The following MCM2 variants were observed in gnomAD, a reference collection of about 807,000 sequenced individuals.
MCM2 encodes DNA replication licensing factor MCM2.
A neutral mutation model predicts 86.4 loss-of-function variants in MCM2; 49 were observed. The ratio of observed to expected loss-of-function variants is 0.57; its 90% CI spans 0.45 to 0.72. The LOEUF is 0.72. Among genes scored for constraint, MCM2 ranks in the 30% least tolerant of loss-of-function variants. The pLI, the probability that MCM2 is intolerant of heterozygous loss-of-function variation, is 0.00. For synonymous variants in MCM2, 475 were observed against 484.6 expected, an observed-to-expected ratio of 0.98 and a Z score of 0.26; for missense variants, 1,038 against 1,259.9, an observed-to-expected ratio of 0.82 and a Z score of 2.67.
chr3:127,615,589 C>A (rs1241500957), intron 8 of MCM2, among the ~76,000 whole-genome samples: 1 of 152,168 alleles, frequency 6.6e-6, no homozygotes, highest in Non-Finnish European at 1.5e-5. Flanking sequence ...GGTCTGTGAT[C>A]TTGGGAAAGG....
At position 127,605,028 on chromosome 3, in the gene MCM2, T is replaced by C. The variant is rs752350628; in HGVS notation, c.545T>C (p.Val182Ala). 4 of 1,614,106 alleles carry C rather than the reference T, an allele frequency of 2.5e-6. No homozygotes were observed. Among genetic ancestry groups the C allele is most frequent in the Non-Finnish European group, 3.4e-6 (4 of 1,179,972 alleles). The change falls in exon 4 of 16, where the codon GTG becomes GCG. Residue 182 changes from valine to alanine, a missense_variant. Around this residue, in one of 4 missense-constraint regions of MCM2, gnomAD observed 300 missense variants for 307.4 expected, o/e 0.98. Transcript: ENST00000265056. ...ENLEDLKGHS[V>A]REWVSMAGPR... Reference sequence around the variant, plus strand: ...CTGGAGGATCTCAAAGGCCACTCTGTGCGCGAGTGGGTGAGCATGGCGGGC... The same window carrying C: ...CTGGAGGATCTCAAAGGCCACTCTGCGCGCGAGTGGGTGAGCATGGCGGGC...
rs1461609567 is a variant in MCM2 at position 127,619,149 on chromosome 3, G to A, written c.2136G>A (p.Val712=). 2 of 1,614,056 alleles carry A rather than the reference G, an allele frequency of 1.2e-6. No individual in the cohort carries two copies. The highest frequency in any genetic ancestry group is 2.2e-5 in the East Asian group (1 of 44,892). ...CCGCCATGCCCAACACGTATGGCGT[G>A]GAGCCCCTGCCCCAGGAGGTCCTGA... ...AEPAMPNTYG[V]EPLPQEVLKK... The change falls in exon 13 of 16, where the codon GTG becomes GTA. Residue 712 remains valine, a synonymous_variant. Transcript: ENST00000265056.
intron 14 of MCM2, 90 bp from the exon 15 acceptor site, chr3:127,620,983 C>G: frequency 6.4e-7 from 1 of 1,573,780 alleles, no homozygotes; most frequent in Non-Finnish European, 8.6e-7. Context: ...GGAGCGGCAG[C>G]CTGTCTGACC....
intron 7 of MCM2, 109 bp downstream of exon 7, chr3:127,608,625 A>G: frequency 5.5e-6 from 8 of 1,456,280 alleles, no homozygotes; most frequent in Non-Finnish European, 7.5e-6. Flanking sequence ...CACTCGGGCT[A>G]GGATCTGTTT....
At chr3:127,616,794 TG>T in intron 9 of MCM2, 73 bp from the exon 10 acceptor site, 1 of 1,498,076 alleles carries the variant, frequency 6.7e-7, no homozygotes, top group Non-Finnish European at 9.2e-7. Flanking sequence ...GAGGAATTGG[TG>T]GGGGATGCAA....
At chr3:127,619,393 G>A (rs996587400) in intron 13 of MCM2, 115 bp downstream of exon 13, 4 of 1,363,772 alleles carry the variant, frequency 2.9e-6, no homozygotes, top group Admixed American at 2.5e-5. Context: ...CCAGAGCAGG[G>A]AGGCATTAAA....
intron 6 of MCM2, 141 bp from the exon 7 acceptor site, chr3:127,608,241 A>G (rs766403770): frequency 9.6e-7 from 1 of 1,041,766 alleles, no homozygotes; most frequent in Non-Finnish European, 1.4e-6. Context: ...CTGAGTCGCC[A>G]TGAACTCATT....
At chr3:127,610,876 C>G (rs1282710052) in intron 8 of MCM2, 5 of 456,648 alleles carry the variant, frequency 1.1e-5, no homozygotes, top group South Asian at 6.2e-5. Flanking sequence ...TCTGGGGTTC[C>G]CATAGGAGAG....
rs990187415 is a variant in MCM2, at chr3:127,606,833, A to G, written c.1101+16A>G. 1 of 1,613,588 alleles carries G rather than the reference A, an allele frequency of 6.2e-7. No individual in the cohort carries two copies. ...CATGGAGGAGGTGAGAGAGGACACA[A>G]GGTCTGCTGCCAGCTGTCCTTAGGG... On this transcript the variant is annotated intron_variant, in intron 6 of 15. Coordinates refer to ENST00000265056, the MANE Select transcript of MCM2 (RefSeq NM_004526.4). The surrounding 1 kb of genome is among the most constrained non-coding windows in gnomAD (Gnocchi z 4.2).
In MCM2 at chr3:127,615,967, C is replaced by T. The variant is rs1317245114; in HGVS notation, c.1522+12C>T. 3 of 1,607,748 alleles carry T rather than the reference C, an allele frequency of 1.9e-6. No individual in the cohort carries two copies. The highest frequency in any genetic ancestry group is 2.6e-6 in the Non-Finnish European group (3 of 1,174,244). On this transcript the variant is annotated intron_variant, in intron 9 of 15. Coordinates refer to ENST00000265056, the MANE Select transcript of MCM2 (RefSeq NM_004526.4). ...GCCCAAAAACCCAGGTGAGCACCCA[C>T]CTTTCCTCTGCAGGGGTGTTAGCAG...
chr3:127,606,271 G>T lies in MCM2; in HGVS notation c.827G>T (p.Arg276Leu). 6.2e-7 allele frequency: 1 copy of T among 1,614,204 alleles called. No homozygotes were observed. Among genetic ancestry groups the T allele is most frequent in the Non-Finnish European group, 8.5e-7 (1 of 1,180,036 alleles). Reference sequence around the variant, plus strand: ...CTGGCCATGTACCCCAAGTACGACCGCATCACCAACCACATCCATGTCCGC... The same window carrying T: ...CTGGCCATGTACCCCAAGTACGACCTCATCACCAACCACATCCATGTCCGC... ...VVLAMYPKYD[R>L]ITNHIHVRIS... The change falls in exon 5 of 16, where the codon CGC becomes CTC. Residue 276 changes from arginine (R) to leucine (L), a missense_variant. By Grantham distance (102) the Arg-to-Leu change is moderately radical. This residue lies in a region of MCM2 where 399 missense variants were observed against 507.2 expected (regional missense o/e 0.79). Transcript: ENST00000265056. The surrounding 1 kb of genome is among the most constrained non-coding windows in gnomAD (Gnocchi z 4.2).
At position 127,606,178 on chromosome 3, in the gene MCM2, C is replaced by G. The variant is rs1285084050; in HGVS notation, c.734C>G (p.Ala245Gly). 6.2e-7 allele frequency: 1 copy of G among 1,614,112 alleles called. No homozygotes were observed. The highest frequency in any genetic ancestry group is 1.3e-5 in the African/African-American group (1 of 74,936). ...EDLAAREHVL[A>G]YFLPEAPAEL... ...TTGGCAGCCAGGGAGCACGTGCTGG[C>G]CTACTTCCTGCCTGAGGCACCGGCG... Residue 245 changes from alanine (A) to glycine (G), a missense_variant, in exon 5 of 16, where the codon GCC becomes GGC. Ala to Gly is a moderately conservative substitution (Grantham distance 60). Around this residue, in one of 4 missense-constraint regions of MCM2, gnomAD observed 399 missense variants for 507.2 expected, o/e 0.79. Coordinates refer to ENST00000265056, the MANE Select transcript of MCM2 (RefSeq NM_004526.4). This position sits in a 1 kb window ranked among gnomAD's most constrained non-coding sequence, Gnocchi z 4.2.
intron 4 of MCM2, among the ~76,000 whole-genome samples, chr3:127,605,467 T>C (rs957630964): frequency 8.0e-6 from 1 of 125,240 alleles, no homozygotes; most frequent in Non-Finnish European, 1.6e-5. Flanking sequence ...TGAGACGGAG[T>C]TTTGTTCTTG....
chr3:127,598,766 G>T, intron 1 of MCM2: 1 of 487,266 alleles, frequency 2.1e-6, no homozygotes, highest in Non-Finnish European at 3.6e-6. Flanking sequence ...CAAAAGACAG[G>T]CCCCCATTTC....
Position 127,622,070 on chromosome 3 carries a change from G to C in MCM2, c.*297G>C. 1 of 283,348 alleles carries C rather than the reference G, an allele frequency of 3.5e-6. No homozygotes were observed. The highest frequency in any genetic ancestry group is 6.6e-6 in the Non-Finnish European group (1 of 151,156). The allele number at this position is 283,348 out of a possible 1,614,324, so 17.6% of individuals were successfully genotyped here. On this transcript the variant is annotated 3_prime_UTR_variant, in exon 16 of 16. Coordinates refer to ENST00000265056, the MANE Select transcript of MCM2 (RefSeq NM_004526.4). ...CTTGGATCAGAGCTGCTGAGTTCAG[G>C]ATGCCTGCGTGTGGTTTAGGTGTTA... is the stretch of plus-strand genomic sequence containing the variant.
intron 7 of MCM2, 60 bp downstream of exon 7, chr3:127,608,576 T>C (rs2074368112): frequency 2.5e-6 from 4 of 1,602,158 alleles, no homozygotes; most frequent in South Asian, 1.1e-5. Flanking sequence ...GCAGAAGCAG[T>C]TGTGGCTGGG....
Position 127,618,160 on chromosome 3 carries a change from C to T in MCM2, c.2013+79C>T. On this transcript the variant is annotated intron_variant, in intron 12 of 15. Coordinates refer to ENST00000265056, the MANE Select transcript of MCM2 (RefSeq NM_004526.4). This position sits in a 1 kb window ranked among gnomAD's most constrained non-coding sequence, Gnocchi z 4.0. ...GAGGCTTGGGGTCATACAGTGTGCC[C>T]AACACAGGGGACAGGTGCTGCAGGG... 1 of 1,121,558 alleles carries T rather than the reference C, an allele frequency of 8.9e-7. No individual in the cohort carries two copies. The highest frequency in any genetic ancestry group is 1.3e-6 in the Non-Finnish European group (1 of 746,882). The allele number at this position is 1,121,558 out of a possible 1,614,324, so 69.5% of individuals were successfully genotyped here. A position where few individuals can be genotyped will look rare whatever the true frequency, so the allele number is the denominator to read the frequency against.
intron 7 of MCM2, 78 bp from the exon 8 acceptor site, chr3:127,608,754 G>A: frequency 1.4e-6 from 2 of 1,454,950 alleles, no homozygotes; most frequent in East Asian, 2.3e-5. Flanking sequence ...CTTGCAATAG[G>A]AGAAACTGGA....
In MCM2 at chr3:127,606,563, G is replaced by A; in HGVS notation, c.894-47G>A. 1 of 1,551,810 alleles carries A rather than the reference G, an allele frequency of 6.4e-7. No homozygotes were observed. Among genetic ancestry groups the A allele is most frequent in the Non-Finnish European group, 8.9e-7 (1 of 1,124,864 alleles). ...GTTGGGACACTCTCGTCTGCAGCCT[G>A]GCCTCACCCTGGCTCACGGCTTCTG... On this transcript the variant is annotated intron_variant, in intron 5 of 15. Coordinates refer to ENST00000265056, the MANE Select transcript of MCM2 (RefSeq NM_004526.4). The surrounding 1 kb of genome is among the most constrained non-coding windows in gnomAD (Gnocchi z 4.2).
Sources: gnomAD v4.1 joint callset for allele counts (sites outside exome capture counted in the v4.1 genomes callset) on GRCh38, gnomAD v4.1.1 for gene constraint, gnomAD v4.1.1 regional missense constraint, Gnocchi (gnomAD v3.1) non-coding constraint, MANE v1.5 for transcripts, NCBI Gene and HGNC (gene_info 2026-07-23, HGNC 2026-07-21) for gene names.